The following ACOT11 variants were observed in gnomAD, a reference collection of about 807,000 sequenced individuals.
ACOT11 encodes the protein acyl-coenzyme A thioesterase 11.
Under a neutral mutation model 77.5 loss-of-function variants are expected in ACOT11, and 69 were observed. The ratio of observed to expected loss-of-function variants is 0.89; its 90% CI spans 0.73 to 1.09. The LOEUF is 1.09. Ranked by LOEUF, ACOT11 falls within the 50% of genes least tolerant of loss-of-function variation. ACOT11 has a pLI of 0.00. For synonymous variants in ACOT11, 279 were observed against 313.0 expected (o/e 0.89, Z 1.15); for missense variants, 766 against 813.7 (o/e 0.94, Z 0.71).
intron 7 of ACOT11, chr1:54,598,294 G>A (rs1242024216): frequency 6.6e-6 from 1 of 152,262 alleles, no homozygotes; most frequent in Non-Finnish European, 1.5e-5. Context: ...GTAAGGGGAG[G>A]GCTTCTGGAT....
At chr1:54,559,258 C>T (rs1157892579) in intron 1 of ACOT11, among the ~76,000 whole-genome samples, 1 of 152,190 alleles carries the variant, frequency 6.6e-6, no homozygotes, top group East Asian at 1.9e-4. Context: ...TGCCCACCCT[C>T]ACACACTGAC....
At chr1:54,555,427 A>T (rs1047630227) in intron 1 of ACOT11, among the ~76,000 whole-genome samples, 2 of 151,632 alleles carry the variant, frequency 1.3e-5, no homozygotes, top group Admixed American at 6.6e-5. Flanking sequence ...TGCCCATTTT[A>T]ATTTTTTTTT....
chr1:54,637,314 C>T (rs1157804805), exon 17 of ACOT11: 1 of 152,166 alleles, frequency 6.6e-6, no homozygotes, highest in Non-Finnish European at 1.5e-5. Flanking sequence ...GAAACCCCTT[C>T]TCTACTAAAA....
At position 54,578,631 on chromosome 1, in the gene ACOT11, A is replaced by G. The variant is rs560484377; in HGVS notation, c.34-6024A>G. On this transcript the variant is annotated intron_variant, in intron 1 of 15. Coordinates refer to ENST00000343744, the MANE Select transcript of ACOT11 (RefSeq NM_147161.4). ...CCAGGGCTTCAGATTTAGGAGGAGA[A>G]AGTTTATTTTATTTTATTTTATTTT... 2.0e-5 allele frequency among the ~76,000 whole-genome samples: 3 copies of G among 151,990 alleles called. No individual in the cohort carries two copies. The South Asian group carries it at 6.2e-4, about 32-fold the overall frequency.
chr1:54,632,744 G>A (rs1013880760), intron 16 of ACOT11, among the ~76,000 whole-genome samples: 2 of 152,128 alleles, frequency 1.3e-5, no homozygotes, highest in Admixed American at 6.5e-5. Flanking sequence ...ATACAAGAAC[G>A]GACATTTCAC....
At chr1:54,567,921 C>A (rs1021431977) in intron 1 of ACOT11, among the ~76,000 whole-genome samples, 5 of 152,158 alleles carry the variant, frequency 3.3e-5, no homozygotes, top group Admixed American at 3.3e-4. Context: ...CAGGCCAGAC[C>A]ACCACCCTCC....
chr1:54,620,016 A>G, intron 15 of ACOT11: 1 of 1,613,554 alleles, frequency 6.2e-7, no homozygotes, highest in Non-Finnish European at 8.5e-7. Context: ...GCCTGGAAGG[A>G]ATCCCAAGGG....
At chr1:54,618,793 G>T (rs1368775890) in intron 15 of ACOT11, among the ~76,000 whole-genome samples, 1 of 152,154 alleles carries the variant, frequency 6.6e-6, no homozygotes, top group Non-Finnish European at 1.5e-5. Flanking sequence ...CTAGCTTCCA[G>T]TCCCCACCCT....
At chr1:54,568,983 C>T (rs1047975884) in intron 1 of ACOT11, among the ~76,000 whole-genome samples, 2 of 151,828 alleles carry the variant, frequency 1.3e-5, no homozygotes, top group African/African-American at 2.4e-5. Flanking sequence ...TGGTGGCACC[C>T]GTCTGTAGTC....
chr1:54,618,294 A>C (rs1569796527), intron 15 of ACOT11, among the ~76,000 whole-genome samples: 3 of 152,240 alleles, frequency 2.0e-5, no homozygotes, highest in Middle Eastern at 3.4e-3. Context: ...ACTTGAGTTT[A>C]GGAGTTCGAG....
intron 15 of ACOT11, among the ~76,000 whole-genome samples, chr1:54,627,284 G>A (rs1569813513): frequency 1.5e-5 from 2 of 135,074 alleles, no homozygotes; most frequent in African/African-American, 5.0e-5. Flanking sequence ...CTGGGAAAGA[G>A]GCCGGCGAGC....
chr1:54,605,202 C>T lies in ACOT11; in HGVS notation c.1363C>T (p.His455Tyr). The T allele has an allele frequency of 6.2e-7, 1 of 1,613,142 alleles. No individual in the cohort carries two copies. The highest frequency in any genetic ancestry group is 2.2e-5 in the East Asian group (1 of 44,882). ...DLRQRPEWDKHYRSVELVQQV... is the reference protein window; with the variant it reads ...DLRQRPEWDKYYRSVELVQQV... ...GCGTCAGAGGCCAGAGTGGGACAAG[C>T]ACTACCGGTGAGGGGCCAGGGTGAG... The change falls in exon 13 of 16, where the codon CAC becomes TAC. Residue 455 changes from histidine (H) to tyrosine (Y), a missense_variant. His to Tyr is a moderately conservative substitution (Grantham distance 83). Coordinates refer to ENST00000343744, the MANE Select transcript of ACOT11 (RefSeq NM_147161.4).
intron 1 of ACOT11, chr1:54,548,569 G>A (rs759787403): frequency 2.5e-5 from 15 of 608,322 alleles, no homozygotes; most frequent in Non-Finnish European, 4.1e-5. Context: ...CGGGCTGGCT[G>A]TGTAGAGTGG....
chr1:54,607,978 GC>G lies in ACOT11; in HGVS notation c.1542del (p.Thr515HisfsTer27). 6.2e-7 allele frequency: 1 copy of G among 1,613,726 alleles called. No homozygotes were observed. Among genetic ancestry groups the G allele is most frequent in the Non-Finnish European group, 8.5e-7 (1 of 1,179,930 alleles). On this transcript the variant is annotated frameshift_variant, in exon 15 of 16. Transcript: ENST00000343744. LOFTEE classifies it high-confidence loss of function. The surrounding 1 kb of genome is among the most constrained non-coding windows in gnomAD (Gnocchi z 4.5). ...TCATCGCGCTGAGGTCGGTCACGCT[GC>G]CCACACACCGAGAGACGCCAGAGTA... The part of the protein sequence containing the change: ...YVIALRSVTL[P>X]THRETPEYRR...
intron 3 of ACOT11, among the ~76,000 whole-genome samples, chr1:54,589,497 G>A (rs1654629179): frequency 6.6e-6 from 1 of 152,032 alleles, no homozygotes; most frequent in African/African-American, 2.4e-5. Flanking sequence ...TCAAGATGGA[G>A]TCTTGCTCTG....
intron 16 of ACOT11, chr1:54,634,678 G>T (rs12239752): frequency 1.4e-6 from 1 of 701,554 alleles, no homozygotes; most frequent in Non-Finnish European, 2.6e-6. Context: ...TTATGCTTGC[G>T]TTTCTCCAGG....
chr1:54,593,458 G>GTTTTT (rs35252763), intron 4 of ACOT11, among the ~76,000 whole-genome samples: 2 of 96,348 alleles, frequency 2.1e-5, no homozygotes, highest in Non-Finnish European at 3.9e-5. Context: ...TGTGTGTGTG[G>GTTTTT]TTTTTTTTTT....
intron 1 of ACOT11, among the ~76,000 whole-genome samples, chr1:54,554,368 T>TTTTTGAGATGGAG (rs1653189807): frequency 7.5e-6 from 1 of 133,532 alleles, no homozygotes; most frequent in African/African-American, 2.7e-5. Context: ...TTTTTTTTTT[T>TTTTTGAGATGGAG]TGAGATGGAG....
chr1:54,569,112 C>A (rs543489267), intron 1 of ACOT11, among the ~76,000 whole-genome samples: 3 of 129,966 alleles, frequency 2.3e-5, no homozygotes, highest in Non-Finnish European at 4.9e-5. Flanking sequence ...AAGACTCTCT[C>A]GAAAAAAAAA....
Sources: gnomAD v4.1 joint callset for allele counts (sites outside exome capture counted in the v4.1 genomes callset) on GRCh38, gnomAD v4.1.1 for gene constraint, Gnocchi (gnomAD v3.1) non-coding constraint, MANE v1.5 for transcripts, NCBI Gene and HGNC (gene_info 2026-07-23, HGNC 2026-07-21) for gene names.